Variants in CDC73 observed in about 807,000 individuals in gnomAD.
CDC73 encodes the protein cell division cycle 73, also known as parafibromin.
CDC73 carries 21 observed loss-of-function variants against 83.7 expected under a neutral mutation model. The observed-to-expected ratio is 0.25, with a 90% CI of 0.18 to 0.36. The LOEUF is 0.36. Ranked by LOEUF, CDC73 falls within the 10% of genes least tolerant of loss-of-function variation. The pLI, the probability that CDC73 is intolerant of heterozygous loss-of-function variation, is 1.00. For synonymous variants in CDC73, 224 were observed against 212.9 expected (o/e 1.05, Z -0.45); for missense variants, 342 against 653.3 (o/e 0.52, Z 5.19).
intron 10 of CDC73, among the ~76,000 whole-genome samples, chr1:193,160,146 A>T (rs927953183): frequency 2.0e-5 from 3 of 152,156 alleles, no homozygotes; most frequent in African/African-American, 7.2e-5. Flanking sequence ...AGTTTACCCA[A>T]AACATATTAG....
intron 3 of CDC73, among the ~76,000 whole-genome samples, chr1:193,133,553 C>CT (rs982481435): frequency 1.3e-5 from 2 of 152,110 alleles, no homozygotes; most frequent in Non-Finnish European, 2.9e-5. Flanking sequence ...AATAAAAAAA[C>CT]TTTATCTGTT....
intron 13 of CDC73, among the ~76,000 whole-genome samples, chr1:193,214,044 C>T (rs1677320148): frequency 6.6e-6 from 1 of 152,210 alleles, no homozygotes; most frequent in South Asian, 2.1e-4. Flanking sequence ...TTTCCCTCTA[C>T]TTTAACCTTT....
intron 10 of CDC73, among the ~76,000 whole-genome samples, chr1:193,162,669 A>T (rs901959478): frequency 6.6e-6 from 1 of 152,138 alleles, no homozygotes; most frequent in South Asian, 2.1e-4. Context: ...ACACCCCGCC[A>T]GTTTAACATT....
Position 193,252,843 on chromosome 1 carries a change from A to T in CDC73, c.*2131A>T, listed in dbSNP as rs886045728. 4.3e-6 allele frequency: 1 copy of T among 231,994 alleles called. No homozygotes were observed. Among genetic ancestry groups the T allele is most frequent in the Non-Finnish European group, 8.5e-6 (1 of 117,222 alleles). The allele number at this position is 231,994 out of a possible 1,614,324, so 14.4% of individuals were successfully genotyped here. A position where few individuals can be genotyped will look rare whatever the true frequency, so the allele number is the denominator to read the frequency against. ...ACACAGTGCCTTGCACATAGTAGGC[A>T]TTCAGTAAATACTTACATGCATGAA... On this transcript the variant is annotated 3_prime_UTR_variant, in exon 17 of 17. Transcript: ENST00000367435.
At chr1:193,168,045 G>T (rs1411540500) in intron 10 of CDC73, among the ~76,000 whole-genome samples, 2 of 152,022 alleles carry the variant, frequency 1.3e-5, no homozygotes, top group African/African-American at 4.8e-5. Context: ...ATTTTTAATA[G>T]AGACAGGGTT....
At chr1:193,140,629 G>A (rs745948891) in intron 6 of CDC73, among the ~76,000 whole-genome samples, 2 of 152,132 alleles carry the variant, frequency 1.3e-5, no homozygotes, top group South Asian at 2.1e-4. Flanking sequence ...TCTGATAACC[G>A]AGATGGCTAT....
At chr1:193,193,252 A>G (rs781015087) in intron 10 of CDC73, among the ~76,000 whole-genome samples, 3 of 152,230 alleles carry the variant, frequency 2.0e-5, no homozygotes, top group South Asian at 4.1e-4. Context: ...CATTTTTTAT[A>G]TGCAAGCTAC....
intron 10 of CDC73, among the ~76,000 whole-genome samples, chr1:193,169,211 G>T (rs1480910295): frequency 1.3e-5 from 2 of 151,940 alleles, no homozygotes; most frequent in African/African-American, 2.4e-5. Context: ...CCCATACCTG[G>T]CATATGCATT....
In CDC73 at chr1:193,220,157, C is replaced by CTTT. The variant is rs776793164; in HGVS notation, c.1154+7705_1154+7707dup. Among the ~76,000 whole-genome samples the CTTT allele has an allele frequency of 7.0e-4, 76 of 108,784 alleles. 2 individuals carry two copies. Among genetic ancestry groups the CTTT allele is most frequent in the African/African-American group, 1.2e-3 (35 of 28,142 alleles). 71.4% of individuals were successfully genotyped at this position (108,784 alleles called of 152,430 possible). On this transcript the variant is annotated intron_variant, in intron 13 of 16. Coordinates refer to ENST00000367435, the MANE Select transcript of CDC73 (RefSeq NM_024529.5). The stretch of plus-strand genomic sequence containing the variant: ...TTTCTCAGTAAAGTAACAATGATAA[C>CTTT]TTTTTTTTTTTTTTTTTTTTTTTTT...
chr1:193,144,906 T>G (rs1045390091), intron 7 of CDC73, among the ~76,000 whole-genome samples: 9 of 152,082 alleles, frequency 5.9e-5, no homozygotes, highest in African/African-American at 2.2e-4. Context: ...AAATGACAGC[T>G]TTCGTGAGAA....
intron 15 of CDC73, among the ~76,000 whole-genome samples, chr1:193,242,536 TG>T (rs1407693983): frequency 6.6e-6 from 1 of 152,212 alleles, no homozygotes; most frequent in Non-Finnish European, 1.5e-5. Context: ...CTCACTGTTT[TG>T]GTTCTTTTTG....
intron 14 of CDC73, among the ~76,000 whole-genome samples, chr1:193,234,171 TCTCTCACACACACACA>T (rs1429551192): frequency 2.6e-5 from 2 of 75,670 alleles, no homozygotes; most frequent in Non-Finnish European, 5.3e-5. Context: ...TCTCTCTCTC[TCTCTCACACACACACA>T]CACACACACA....
At chr1:193,244,639 T>G (rs941271343) in intron 15 of CDC73, among the ~76,000 whole-genome samples, 1 of 152,228 alleles carries the variant, frequency 6.6e-6, no homozygotes, top group African/African-American at 2.4e-5. Flanking sequence ...GGACATTCCA[T>G]GCTTGCTTCC....
intron 7 of CDC73, among the ~76,000 whole-genome samples, chr1:193,142,284 A>G (rs540455642): frequency 2.6e-5 from 4 of 152,204 alleles, no homozygotes; most frequent in African/African-American, 7.2e-5. Flanking sequence ...ATGAAAAAGT[A>G]GGAATCAAAA....
intron 10 of CDC73, among the ~76,000 whole-genome samples, chr1:193,196,197 CT>C (rs1677000766): frequency 6.6e-6 from 1 of 152,144 alleles, no homozygotes; most frequent in Non-Finnish European, 1.5e-5. Flanking sequence ...CAACTTCGTC[CT>C]TTTGCGTGTG....
At chr1:193,123,454 T>C (rs1675503137) in intron 1 of CDC73, among the ~76,000 whole-genome samples, 1 of 152,214 alleles carries the variant, frequency 6.6e-6, no homozygotes, top group Non-Finnish European at 1.5e-5. Flanking sequence ...CTCGAACTCC[T>C]GACCTCAAAT....
chr1:193,134,148 T>G (rs1473300382), intron 3 of CDC73, among the ~76,000 whole-genome samples: 1 of 152,116 alleles, frequency 6.6e-6, no homozygotes, highest in Non-Finnish European at 1.5e-5. Context: ...TGTGAATAAC[T>G]AAAAATTACA....
rs143685844 is a variant in CDC73 at position 193,199,928 on chromosome 1, T to C, written c.973-3867T>C. ...AGGAAACTCCTGGAGTCTGCATATA[T>C]GTTCTATATATGTTTTCTTCATAAA... On this transcript the variant is annotated intron_variant, in intron 10 of 16. Transcript: ENST00000367435. 1.1e-4 allele frequency among the ~76,000 whole-genome samples: 16 copies of C among 152,026 alleles called. No individual in the cohort carries two copies. In the East Asian group the frequency reaches 3.1e-3, roughly 29 times the overall value.
intron 13 of CDC73, among the ~76,000 whole-genome samples, chr1:193,225,118 A>G (rs1307325483): frequency 1.3e-5 from 2 of 151,760 alleles, no homozygotes; most frequent in Non-Finnish European, 2.9e-5. Context: ...CCACTTACAA[A>G]TGAGATCATT....
Sources: allele counts gnomAD v4.1 joint callset (sites outside exome capture counted in the v4.1 genomes callset), GRCh38; gene constraint gnomAD v4.1.1; transcripts MANE v1.5; gene names NCBI Gene and HGNC (gene_info 2026-07-23, HGNC 2026-07-21).